The following FOXN2 variants were observed in gnomAD, a reference collection of about 807,000 sequenced individuals.
The protein encoded by FOXN2 is forkhead box N2, also known as forkhead box protein N2.
Under a neutral mutation model 41.2 loss-of-function variants are expected in FOXN2, and 19 were observed. That is an observed-to-expected ratio of 0.46 (90% confidence interval 0.32 to 0.68). The LOEUF (loss-of-function observed/expected upper bound fraction) is 0.68. Ranked by LOEUF, FOXN2 falls within the 30% of genes least tolerant of loss-of-function variation. The probability of loss-of-function intolerance (pLI) is 0.03; values close to 1 mark genes in which losing one functional copy is unlikely to be tolerated. For synonymous variants in FOXN2, 195 were observed against 176.8 expected (o/e 1.10, Z -0.82); for missense variants, 587 against 509.4 (o/e 1.15, Z -1.47).
At chr2:48,332,136 A>T (rs1047024782) in intron 2 of FOXN2, among the ~76,000 whole-genome samples, 3 of 152,170 alleles carry the variant, frequency 2.0e-5, no homozygotes, top group African/African-American at 7.2e-5. Flanking sequence ...TGTTTTCATG[A>T]TGCCATTACA....
chr2:48,345,855 A>C (rs1460259607), intron 2 of FOXN2, among the ~76,000 whole-genome samples: 1 of 152,178 alleles, frequency 6.6e-6, no homozygotes, highest in Non-Finnish European at 1.5e-5. Flanking sequence ...GTTCAAAGAA[A>C]TAGCCTGTCC....
Position 48,314,770 on chromosome 2 carries a change from T to C in FOXN2, c.-201T>C, listed in dbSNP as rs1256368157. 1 of 152,176 alleles carries C rather than the reference T, an allele frequency of 6.6e-6. No homozygotes were observed. The highest frequency in any genetic ancestry group is 2.4e-5 in the African/African-American group (1 of 41,444). 9.4% of individuals were successfully genotyped at this position (152,176 alleles called of 1,614,324 possible). On this transcript the variant is annotated 5_prime_UTR_variant, in exon 1 of 7. Coordinates refer to ENST00000340553, the MANE Select transcript of FOXN2 (RefSeq NM_002158.4). ...GGAACAGCTGCGGTGCTCTGCCATA[T>C]TGTGTCTTCCCCGGCCGGTCCCTCG... is the stretch of plus-strand genomic sequence containing the variant.
At chr2:48,359,841 C>G (rs185600945) in intron 4 of FOXN2, among the ~76,000 whole-genome samples, 35 of 151,934 alleles carry the variant, frequency 2.3e-4, no homozygotes, top group Admixed American at 2.2e-3. Context: ...CTAATGCTAA[C>G]CTAAAAATGA....
upstream of FOXN2, chr2:48,314,578 G>A (rs1329065428): frequency 6.6e-6 from 1 of 152,310 alleles, no homozygotes; most frequent in Non-Finnish European, 1.5e-5. Flanking sequence ...ACTGGAGGGA[G>A]GGGTGGGGCT....
chr2:48,357,465 G>A (rs1357102829), intron 3 of FOXN2, among the ~76,000 whole-genome samples: 1 of 151,788 alleles, frequency 6.6e-6, no homozygotes, highest in Non-Finnish European at 1.5e-5. Context: ...ATTGGCTTTG[G>A]GGCAAAAGAT....
chr2:48,371,333 G>C (rs1451375130), intron 5 of FOXN2, among the ~76,000 whole-genome samples: 1 of 152,070 alleles, frequency 6.6e-6, no homozygotes, highest in Admixed American at 6.5e-5. Context: ...GGAGATGGAG[G>C]TTGCAGTGAC....
rs746292463 is a variant in FOXN2 at position 48,346,538 on chromosome 2, A to G, written c.324A>G (p.Ser108=). 1.9e-6 allele frequency: 3 copies of G among 1,613,410 alleles called. No individual in the cohort carries two copies. Among genetic ancestry groups the G allele is most frequent in the African/African-American group, 2.7e-5 (2 of 74,838 alleles). ...PACYQNPEKK[S]ATSKPPYSFS... Reference sequence around the variant, plus strand: ...GCTACCAGAACCCAGAAAAAAAATCAGCGACTTCAAAGCCCCCATACTCCT... The same window carrying G: ...GCTACCAGAACCCAGAAAAAAAATCGGCGACTTCAAAGCCCCCATACTCCT... Residue 108 remains serine, a synonymous_variant, in exon 3 of 7, where the codon TCA becomes TCG. Transcript: ENST00000340553.
chr2:48,322,467 C>T (rs368267817), intron 1 of FOXN2, among the ~76,000 whole-genome samples: 5 of 152,010 alleles, frequency 3.3e-5, no homozygotes, highest in Non-Finnish European at 7.4e-5. Flanking sequence ...AGTATGTGTC[C>T]CTAGATGCTA....
In FOXN2 at chr2:48,374,960, G is replaced by C; in HGVS notation, c.813G>C (p.Lys271Asn). Reference protein sequence around the residue: ...PLPLKTALQKKRSYGNAFHHP... With the variant: ...PLPLKTALQKNRSYGNAFHHP... ...CTCTTAAAACAGCATTGCAAAAAAA[G>C]AGGAGTTACGGCAATGCATTTCATC... Residue 271 changes from lysine (K) to asparagine (N), a missense_variant, in exon 7 of 7, where the codon AAG becomes AAC. Lys to Asn is a moderately conservative substitution (Grantham distance 94, BLOSUM62 0). Coordinates refer to ENST00000340553, the MANE Select transcript of FOXN2 (RefSeq NM_002158.4). 6.2e-7 allele frequency: 1 copy of C among 1,613,232 alleles called. No homozygotes were observed. The highest frequency in any genetic ancestry group is 8.5e-7 in the Non-Finnish European group (1 of 1,179,424).
chr2:48,374,762 T>C (rs1414432721), intron 6 of FOXN2, among the ~76,000 whole-genome samples, 158 bp from the exon 7 acceptor site: 3 of 152,166 alleles, frequency 2.0e-5, no homozygotes, highest in Admixed American at 6.6e-5. Context: ...AATTAATGCT[T>C]GCAAAATGAT....
chr2:48,350,436 A>G (rs1265762185), intron 3 of FOXN2, among the ~76,000 whole-genome samples: 2 of 152,204 alleles, frequency 1.3e-5, no homozygotes, highest in African/African-American at 2.4e-5. Flanking sequence ...GGGGATAGCT[A>G]GGTTTTATAC....
intron 2 of FOXN2, among the ~76,000 whole-genome samples, chr2:48,333,558 T>C (rs1670156264): frequency 6.6e-6 from 1 of 152,152 alleles, no homozygotes; most frequent in Non-Finnish European, 1.5e-5. Flanking sequence ...GTTTATGCAT[T>C]AAATTCATGT....
chr2:48,346,334 C>G lies in FOXN2; in HGVS notation c.120C>G (p.Ala40=). 2 of 1,614,196 alleles carry G rather than the reference C, an allele frequency of 1.2e-6. No individual in the cohort carries two copies. Among genetic ancestry groups the G allele is most frequent in the Non-Finnish European group, 1.7e-6 (2 of 1,180,024 alleles). The change falls in exon 3 of 7, where the codon GCC becomes GCG. Residue 40 remains alanine (A), a synonymous_variant. Transcript: ENST00000340553. ...MGSLPEAVDA[A]RPKATLVDSE... ...GCTTGCCTGAAGCTGTTGATGCTGCCAGGCCGAAGGCCACTCTAGTGGACA... is the reference window on the plus strand; with the variant it reads ...GCTTGCCTGAAGCTGTTGATGCTGCGAGGCCGAAGGCCACTCTAGTGGACA...
chr2:48,362,570 C>G, intron 4 of FOXN2, 73 bp from the exon 5 acceptor site: 1 of 1,336,594 alleles, frequency 7.5e-7, no homozygotes, highest in Non-Finnish European at 1.1e-6. Context: ...GAGAGAGAAC[C>G]TGTCAAAAAT....
At chr2:48,323,872 T>A (rs1328977554) in intron 1 of FOXN2, among the ~76,000 whole-genome samples, 1 of 152,128 alleles carries the variant, frequency 6.6e-6, no homozygotes, top group Non-Finnish European at 1.5e-5. Context: ...GGTCTTACAT[T>A]TAAGTCTTTT....
rs147903123 is a variant in FOXN2 at position 48,323,549 on chromosome 2, C to T, written c.-156-5012C>T. Among the ~76,000 whole-genome samples the T allele has an allele frequency of 3.8e-3, 571 of 152,208 alleles. 3 individuals are homozygous for T. Among genetic ancestry groups the T allele is most frequent in the African/African-American group, 0.013 (550 of 41,530 alleles). On this transcript the variant is annotated intron_variant, in intron 1 of 6. Coordinates refer to ENST00000340553, the MANE Select transcript of FOXN2 (RefSeq NM_002158.4). Reference sequence around the variant, plus strand: ...CTTTATGTCTTGAAAAGTTACTGATCATGCTCTTTGCCCGCTTTTTGATAG... The same window carrying T: ...CTTTATGTCTTGAAAAGTTACTGATTATGCTCTTTGCCCGCTTTTTGATAG...
intron 2 of FOXN2, among the ~76,000 whole-genome samples, chr2:48,329,318 T>C (rs890090895): frequency 6.6e-6 from 1 of 152,206 alleles, no homozygotes; most frequent in African/African-American, 2.4e-5. Context: ...CAAGTTAGTA[T>C]AGGAGAAAAG....
intron 3 of FOXN2, among the ~76,000 whole-genome samples, chr2:48,347,768 T>G (rs1671208725): frequency 6.6e-6 from 1 of 152,346 alleles, no homozygotes; most frequent in Non-Finnish European, 1.5e-5. Flanking sequence ...GAAGTTTATT[T>G]AAAATTTCTC....
chr2:48,343,263 T>A (rs1670887061), intron 2 of FOXN2, among the ~76,000 whole-genome samples: 1 of 152,222 alleles, frequency 6.6e-6, no homozygotes, highest in South Asian at 2.1e-4. Flanking sequence ...CAGTTTTTTT[T>A]ATTGTTACCA....
Sources: gnomAD v4.1 joint callset for allele counts (sites outside exome capture counted in the v4.1 genomes callset) on GRCh38, gnomAD v4.1.1 for gene constraint, MANE v1.5 for transcripts, NCBI Gene and HGNC (gene_info 2026-07-23, HGNC 2026-07-21) for gene names.